Variants in ZFAND3 observed in about 807,000 individuals in gnomAD.
ZFAND3 encodes zinc finger AN1-type containing 3.
A neutral mutation model predicts 29.6 loss-of-function variants in ZFAND3; 10 were observed. The ratio of observed to expected loss-of-function variants is 0.34; its 90% CI spans 0.21 to 0.57. ZFAND3 has a LOEUF of 0.57. Ranked by LOEUF, ZFAND3 falls within the 20% of genes least tolerant of loss-of-function variation. ZFAND3 has a pLI of 0.86. For synonymous variants in ZFAND3, 128 were observed against 112.6 expected, an observed-to-expected ratio of 1.14 and a Z score of -0.87; for missense variants, 230 against 304.5, an observed-to-expected ratio of 0.76 and a Z score of 1.82.
chr6:38,067,325 C>T (rs1381547596), intron 3 of ZFAND3, among the ~76,000 whole-genome samples: 9 of 152,216 alleles, frequency 5.9e-5, no homozygotes, highest in Admixed American at 2.6e-4. Flanking sequence ...TAACTTACTT[C>T]ATCTTCATAA....
chr6:38,139,907 C>T (rs140578441), intron 5 of ZFAND3, among the ~76,000 whole-genome samples: 4 of 152,032 alleles, frequency 2.6e-5, no homozygotes, highest in Admixed American at 1.3e-4. Flanking sequence ...AAGATTCTGG[C>T]GGCTTTGACT....
At chr6:38,089,858 T>G (rs967917522) in intron 4 of ZFAND3, among the ~76,000 whole-genome samples, 10 of 152,274 alleles carry the variant, frequency 6.6e-5, no homozygotes, top group African/African-American at 2.2e-4. Flanking sequence ...CTGTGAAGTT[T>G]TGTTTTTGTT....
intron 5 of ZFAND3, among the ~76,000 whole-genome samples, chr6:38,135,072 G>A (rs541305134): frequency 2.0e-5 from 3 of 152,290 alleles, no homozygotes; most frequent in East Asian, 1.9e-4. Context: ...TCTCGAAGTC[G>A]TGTTGCTTAG....
rs145331288 is a variant in ZFAND3 at position 38,035,040 on chromosome 6, T to C, written c.113-26553T>C. 3.6e-3 allele frequency among the ~76,000 whole-genome samples: 549 copies of C among 152,180 alleles called. 7 individuals carry two copies. The highest frequency in any genetic ancestry group is 0.013 in the African/African-American group (526 of 41,538). Reference sequence around the variant, plus strand: ...AAGTTTTTACACTTCCTGGGCCTAGTGTAAAGTTGATTTCCTGTTGAGCTT... The same window carrying C: ...AAGTTTTTACACTTCCTGGGCCTAGCGTAAAGTTGATTTCCTGTTGAGCTT... On this transcript the variant is annotated intron_variant, in intron 2 of 5. Coordinates refer to ENST00000287218, the MANE Select transcript of ZFAND3 (RefSeq NM_021943.3).
chr6:37,927,264 C>T (rs1465167118), intron 1 of ZFAND3, among the ~76,000 whole-genome samples: 1 of 152,210 alleles, frequency 6.6e-6, no homozygotes, highest in Non-Finnish European at 1.5e-5. Context: ...TTAAAACTGG[C>T]ACACTGGTTG....
chr6:37,940,299 A>T (rs958048471), intron 2 of ZFAND3, among the ~76,000 whole-genome samples: 13 of 152,136 alleles, frequency 8.5e-5, no homozygotes, highest in Admixed American at 6.6e-5. Context: ...TTTGTGTGTG[A>T]ATTAGAAGAT....
chr6:38,092,003 C>T (rs1764883141), intron 4 of ZFAND3, among the ~76,000 whole-genome samples: 1 of 152,152 alleles, frequency 6.6e-6, no homozygotes, highest in Admixed American at 6.5e-5. Flanking sequence ...TCTCTGTTTT[C>T]CTGCTTGCTC....
intron 1 of ZFAND3, among the ~76,000 whole-genome samples, chr6:37,926,667 A>G (rs1761490412): frequency 6.6e-6 from 1 of 152,178 alleles, no homozygotes; most frequent in Non-Finnish European, 1.5e-5. Context: ...GGTAGCCATT[A>G]TTCAACCTAC....
At chr6:37,971,983 T>A (rs149168469) in intron 2 of ZFAND3, among the ~76,000 whole-genome samples, 5,672 of 151,500 alleles carry the variant, frequency 0.037, 150 homozygotes, top group Non-Finnish European at 0.057. Flanking sequence ...TCAAAAAAAA[T>A]AAAATAAAAT....
In ZFAND3 at chr6:38,082,462, G is replaced by A. The variant is rs778956603; in HGVS notation, c.361+5G>A. 1.9e-6 allele frequency: 3 copies of A among 1,610,284 alleles called. No individual in the cohort carries two copies. The highest frequency in any genetic ancestry group is 2.5e-6 in the Non-Finnish European group (3 of 1,177,894). ...CAAAAAGATCCTGTGGTACAGGTAT[G>A]TACGTCATTCTTATGTGAATTCATC... is the stretch of plus-strand genomic sequence containing the variant. On this transcript the variant is annotated splice_donor_5th_base_variant and intron_variant, in intron 4 of 5. Transcript: ENST00000287218.
intron 2 of ZFAND3, among the ~76,000 whole-genome samples, chr6:38,060,660 A>G (rs1262791143): frequency 6.6e-6 from 1 of 152,136 alleles, no homozygotes; most frequent in Non-Finnish European, 1.5e-5. Context: ...TGTGTTGCCC[A>G]TGTTCGTCTC....
chr6:37,949,087 A>G (rs1761951414), intron 2 of ZFAND3, among the ~76,000 whole-genome samples: 1 of 152,194 alleles, frequency 6.6e-6, no homozygotes, highest in South Asian at 2.1e-4. Flanking sequence ...CCAGCAGTGT[A>G]TAAGCATTCT....
chr6:38,062,064 T>G (rs912696875), intron 3 of ZFAND3, among the ~76,000 whole-genome samples: 2 of 152,206 alleles, frequency 1.3e-5, no homozygotes, highest in South Asian at 4.1e-4. Flanking sequence ...AATTTTAATC[T>G]TTAGCACCAT....
intron 2 of ZFAND3, among the ~76,000 whole-genome samples, chr6:37,996,083 C>T (rs1216842688): frequency 6.7e-6 from 1 of 148,904 alleles, no homozygotes; most frequent in Non-Finnish European, 1.5e-5. Context: ...GAGCCGAGAT[C>T]ACACCACTGT....
intron 1 of ZFAND3, among the ~76,000 whole-genome samples, chr6:37,889,956 A>T (rs1476082793): frequency 6.6e-6 from 1 of 152,222 alleles, no homozygotes; most frequent in Admixed American, 6.5e-5. Flanking sequence ...GACGTGTTCC[A>T]TCCATCTTCA....
At chr6:38,150,362 A>G (rs1051643380) in intron 5 of ZFAND3, among the ~76,000 whole-genome samples, 2 of 152,188 alleles carry the variant, frequency 1.3e-5, no homozygotes, top group African/African-American at 4.8e-5. Context: ...GTTTCCTCAC[A>G]CAATGGATGG....
At chr6:38,029,168 T>G (rs1040189882) in intron 2 of ZFAND3, among the ~76,000 whole-genome samples, 4 of 152,208 alleles carry the variant, frequency 2.6e-5, no homozygotes, top group African/African-American at 9.7e-5. Context: ...CCATCAAGCT[T>G]CTTTACTCAT....
chr6:37,975,803 T>C, intron 2 of ZFAND3, among the ~76,000 whole-genome samples: 1 of 152,220 alleles, frequency 6.6e-6, no homozygotes, highest in Non-Finnish European at 1.5e-5. Context: ...ATAATAATTC[T>C]TGAAATCAGG....
At chr6:38,060,707 T>G (rs541894413) in intron 2 of ZFAND3, among the ~76,000 whole-genome samples, 1 of 152,182 alleles carries the variant, frequency 6.6e-6, no homozygotes, top group South Asian at 2.1e-4. Context: ...CGCCTCAGTC[T>G]TCAAAAATGC....
Sources: allele counts gnomAD v4.1 joint callset (sites outside exome capture counted in the v4.1 genomes callset), GRCh38; gene constraint gnomAD v4.1.1; transcripts MANE v1.5; gene names NCBI Gene and HGNC (gene_info 2026-07-23, HGNC 2026-07-21).